The following AGO3 variants were observed in gnomAD, a reference collection of about 807,000 sequenced individuals.
The protein encoded by AGO3 is protein argonaute-3.
AGO3 carries 16 observed loss-of-function variants against 105.5 expected under a neutral mutation model. The ratio of observed to expected loss-of-function variants is 0.15; its 90% CI spans 0.10 to 0.23. The LOEUF is 0.23. Ranked by LOEUF, AGO3 falls within the 10% of genes least tolerant of loss-of-function variation. AGO3 has a pLI of 1.00. For synonymous variants in AGO3, 340 were observed against 367.3 expected (o/e 0.93, Z 0.85); for missense variants, 534 against 1,088.0 (o/e 0.49, Z 7.16).
At chr1:36,052,669 A>C (rs1642765247) in intron 17 of AGO3, among the ~76,000 whole-genome samples, 1 of 152,204 alleles carries the variant, frequency 6.6e-6, no homozygotes, top group Non-Finnish European at 1.5e-5. Context: ...TGTAATTATT[A>C]TGTGTCCATG....
intron 16 of AGO3, among the ~76,000 whole-genome samples, chr1:36,041,235 CTT>C (rs958423621): frequency 6.2e-3 from 536 of 86,316 alleles, no homozygotes; most frequent in African/African-American, 0.025. Context: ...AATATGTTTT[CTT>C]TTTTTTTTTT....
intron 5 of AGO3, among the ~76,000 whole-genome samples, chr1:35,982,210 T>G (rs1161948661): frequency 6.6e-6 from 1 of 152,130 alleles, no homozygotes; most frequent in African/African-American, 2.4e-5. Flanking sequence ...GGAGGATCAC[T>G]TGAGCCTTGG....
intron 2 of AGO3, among the ~76,000 whole-genome samples, chr1:35,955,590 C>CTT (rs748373778): frequency 3.6e-5 from 5 of 139,296 alleles, no homozygotes; most frequent in East Asian, 2.1e-4. Context: ...ACACTGTTAA[C>CTT]TTTTTTTTTT....
intron 2 of AGO3, among the ~76,000 whole-genome samples, chr1:35,956,947 C>T (rs746717079): frequency 7.9e-5 from 12 of 151,782 alleles, no homozygotes; most frequent in Non-Finnish European, 1.6e-4. Flanking sequence ...CTGCACCTGG[C>T]CTTAAGGATC....
intron 17 of AGO3, among the ~76,000 whole-genome samples, chr1:36,045,315 AGGTTCAAGCAATTCTCCT>A (rs1642418950): frequency 3.3e-5 from 5 of 152,092 alleles, no homozygotes; most frequent in Admixed American, 3.3e-4. Flanking sequence ...TCTGTCTCCC[AGGTTCAAGCAATTCTCCT>A]GCCTCAGCCT....
intron 2 of AGO3, among the ~76,000 whole-genome samples, chr1:35,947,537 C>A (rs1263944970): frequency 2.6e-5 from 4 of 152,076 alleles, no homozygotes; most frequent in African/African-American, 7.2e-5. Flanking sequence ...ATCTTTGTCA[C>A]CCCATGTCAG....
At chr1:36,051,917 C>G (rs1254909664) in intron 17 of AGO3, among the ~76,000 whole-genome samples, 1 of 152,030 alleles carries the variant, frequency 6.6e-6, no homozygotes, top group Non-Finnish European at 1.5e-5. Flanking sequence ...TAGTCATTAT[C>G]AAAAAGACAA....
intron 1 of AGO3, among the ~76,000 whole-genome samples, chr1:35,934,607 C>T (rs534536954): frequency 6.6e-6 from 1 of 152,126 alleles, no homozygotes; most frequent in Admixed American, 6.5e-5. Context: ...TATGTAATGC[C>T]ATCAGGGTCC....
Position 36,027,623 on chromosome 1 carries a change from C to A in AGO3, c.1591+325C>A, listed in dbSNP as rs1461844157. Among the ~76,000 whole-genome samples, 1 of 151,504 alleles carries A rather than the reference C, an allele frequency of 6.6e-6. No homozygotes were observed. The highest frequency in any genetic ancestry group is 1.5e-5 in the Non-Finnish European group (1 of 67,876). On this transcript the variant is annotated intron_variant, in intron 12 of 18. Coordinates refer to ENST00000373191, the MANE Select transcript of AGO3 (RefSeq NM_024852.4). The surrounding 1 kb of genome is among the most constrained non-coding windows in gnomAD (Gnocchi z 4.0). The stretch of plus-strand genomic sequence containing the variant: ...TGAAACCCCATCTCTACTAAAAATA[C>A]AAAAAATTAGCTGGGCGTGGTGGTG...
At chr1:36,007,172 A>G (rs2148812332) in intron 6 of AGO3, among the ~76,000 whole-genome samples, 1 of 152,300 alleles carries the variant, frequency 6.6e-6, no homozygotes, top group South Asian at 2.1e-4. Flanking sequence ...GCTAAGAACC[A>G]CTGCAGTATA....
At chr1:36,009,883 G>A (rs945266298) in intron 9 of AGO3, among the ~76,000 whole-genome samples, 1 of 151,652 alleles carries the variant, frequency 6.6e-6, no homozygotes, top group Non-Finnish European at 1.5e-5. Flanking sequence ...TAAAAGAGGT[G>A]GGAAATAGGA....
intron 2 of AGO3, among the ~76,000 whole-genome samples, chr1:35,950,093 C>T (rs1329903265): frequency 2.6e-5 from 4 of 151,984 alleles, no homozygotes; most frequent in African/African-American, 4.8e-5. Flanking sequence ...TGATGGCGGG[C>T]GCCTGTAATC....
intron 5 of AGO3, among the ~76,000 whole-genome samples, chr1:35,983,619 C>T (rs997661046): frequency 1.3e-5 from 2 of 151,992 alleles, no homozygotes; most frequent in South Asian, 2.1e-4. Context: ...AAACAACCCT[C>T]CACACCTGGT....
chr1:35,985,646 C>T (rs2148788459), intron 5 of AGO3, among the ~76,000 whole-genome samples: 1 of 152,236 alleles, frequency 6.6e-6, no homozygotes, highest in African/African-American at 2.4e-5. Context: ...AAATTTATTT[C>T]TAGGTGAATT....
chr1:36,063,163 T>G lies in AGO3; in HGVS notation c.*7418T>G, dbSNP rs1445574889. The G allele has an allele frequency of 6.6e-6, 1 of 152,172 alleles. No individual in the cohort carries two copies. The highest frequency in any genetic ancestry group is 2.4e-5 in the African/African-American group (1 of 41,444). 9.4% of individuals were successfully genotyped at this position (152,172 alleles called of 1,614,324 possible). Reference sequence around the variant, plus strand: ...TAAACCATTAACACTATTTTGTAACTTAGAATATTTAATGTTGTTTATATA... The same window carrying G: ...TAAACCATTAACACTATTTTGTAACGTAGAATATTTAATGTTGTTTATATA... On this transcript the variant is annotated 3_prime_UTR_variant, in exon 19 of 19. Coordinates refer to ENST00000373191, the MANE Select transcript of AGO3 (RefSeq NM_024852.4).
chr1:35,962,756 T>A (rs1458532451), intron 2 of AGO3, among the ~76,000 whole-genome samples: 1 of 151,886 alleles, frequency 6.6e-6, no homozygotes, highest in Non-Finnish European at 1.5e-5. Context: ...TAAAATTGGG[T>A]CCTTGCTGTT....
At chr1:35,990,693 T>A (rs757666258) in intron 5 of AGO3, among the ~76,000 whole-genome samples, 1 of 152,170 alleles carries the variant, frequency 6.6e-6, no homozygotes, top group Non-Finnish European at 1.5e-5. Flanking sequence ...GGAAAACATT[T>A]CTAGTAAATA....
Position 35,993,738 on chromosome 1 carries a change from C to CTTT in AGO3, c.659-10579_659-10577dup, listed in dbSNP as rs141978570. ...AGGCTTCCCCAACCACCACCCCCTG[C>CTTT]TTTTTTTTTTTTTTTTTTTTTTTTT... is the stretch of plus-strand genomic sequence containing the variant. On this transcript the variant is annotated intron_variant, in intron 5 of 18. Coordinates refer to ENST00000373191, the MANE Select transcript of AGO3 (RefSeq NM_024852.4). Among the ~76,000 whole-genome samples the CTTT allele has an allele frequency of 2.4e-3, 220 of 90,780 alleles. 12 individuals carry two copies. The highest frequency in any genetic ancestry group is 6.6e-3 in the African/African-American group (132 of 19,850). The allele number at this position is 90,780 out of a possible 152,430, so 59.6% of individuals were successfully genotyped here. A position where few individuals can be genotyped will look rare whatever the true frequency, so the allele number is the denominator to read the frequency against.
At chr1:36,037,537 T>C (rs773217929) in intron 14 of AGO3, among the ~76,000 whole-genome samples, 1 of 151,986 alleles carries the variant, frequency 6.6e-6, no homozygotes, top group Non-Finnish European at 1.5e-5. Context: ...AAAAAAAAGA[T>C]TTAATATTTT....
Sources: gnomAD v4.1 joint callset for allele counts (sites outside exome capture counted in the v4.1 genomes callset) on GRCh38, gnomAD v4.1.1 for gene constraint, Gnocchi (gnomAD v3.1) non-coding constraint, MANE v1.5 for transcripts, NCBI Gene and HGNC (gene_info 2026-07-23, HGNC 2026-07-21) for gene names.